RRP8: variants seen among roughly 807,000 people sequenced by gnomAD.
The protein encoded by RRP8 is ribosomal RNA-processing protein 8.
In RRP8, 48 loss-of-function variants were observed where a neutral mutation model predicts 45.0. The ratio of observed to expected loss-of-function variants is 1.07; its 90% confidence interval spans 0.85 to 1.36. The LOEUF (loss-of-function observed/expected upper bound fraction) is 1.36. RRP8 is among the 40% of genes most tolerant of loss of function. RRP8 has a pLI of 0.00. For synonymous variants in RRP8, 274 were observed against 212.4 expected, an observed-to-expected ratio of 1.29 and a Z score of -2.52; for missense variants, 658 against 573.7, an observed-to-expected ratio of 1.15 and a Z score of -1.50.
chr11:6,599,959 G>T lies in RRP8; in HGVS notation c.*187C>A. The T allele has an allele frequency of 5.0e-6, 2 of 403,344 alleles. No individual in the cohort carries two copies. The highest frequency in any genetic ancestry group is 8.8e-6 in the Non-Finnish European group (2 of 227,612). 25.0% of individuals were successfully genotyped at this position (403,344 alleles called of 1,614,324 possible). Reference sequence around the variant, plus strand: ...ACTCTTTATTGTTTAGCTAGCCCCAGTGACTTTATGCATCTTATAACCAAG... The same window carrying T: ...ACTCTTTATTGTTTAGCTAGCCCCATTGACTTTATGCATCTTATAACCAAG... On this transcript the variant is annotated 3_prime_UTR_variant, in exon 7 of 7. Coordinates refer to ENST00000254605, the MANE Select transcript of RRP8 (RefSeq NM_015324.4).
chr11:6,603,355 T>C, intron 1 of RRP8, 49 bp downstream of exon 1: 1 of 1,374,588 alleles, frequency 7.3e-7, no homozygotes, highest in East Asian at 2.5e-5. Context: ...TCCACCAATG[T>C]CCGCTTCGCG....
At chr11:6,601,662 G>A (rs1056918842) in intron 2 of RRP8, 60 bp from the exon 3 acceptor site, 26 of 1,524,460 alleles carry the variant, frequency 1.7e-5, no homozygotes, top group East Asian at 4.5e-5. Flanking sequence ...TCGGAGTCAC[G>A]GCAAGTCATC....
chr11:6,603,137 T>C (rs1854484834), intron 1 of RRP8, among the ~76,000 whole-genome samples: 1 of 152,380 alleles, frequency 6.6e-6, no homozygotes, highest in South Asian at 2.1e-4. Flanking sequence ...CTTGTGTTTG[T>C]GACTCTGACA....
At position 6,598,738 on chromosome 11, in the gene RRP8, A is replaced by T. The variant is rs956741494; in HGVS notation, c.*1408T>A. 2 of 152,304 alleles carry T rather than the reference A, an allele frequency of 1.3e-5. No homozygotes were observed. The highest frequency in any genetic ancestry group is 2.4e-5 in the African/African-American group (1 of 41,460). The allele number at this position is 152,304 out of a possible 1,614,324, so 9.4% of individuals were successfully genotyped here. ...GCCCTCTGGACTACAGCCTGTTTCA[A>T]AACCTCCATCCCCTTATTAGAGGCA... is the stretch of plus-strand genomic sequence containing the variant. On this transcript the variant is annotated 3_prime_UTR_variant, in exon 7 of 7. Transcript: ENST00000254605.
At chr11:6,601,785 A>G in intron 2 of RRP8, 67 bp downstream of exon 2, 1 of 1,513,546 alleles carries the variant, frequency 6.6e-7, no homozygotes, top group Non-Finnish European at 8.9e-7. Flanking sequence ...TCACTCTTGT[A>G]TGTAGAACCA....
intron 1 of RRP8, 125 bp from the exon 2 acceptor site, chr11:6,602,340 GC>G: frequency 8.2e-7 from 1 of 1,212,440 alleles, no homozygotes; most frequent in Non-Finnish European, 1.1e-6. Flanking sequence ...AGTCAAGCCT[GC>G]CAGAACCCAG....
At chr11:6,600,848 G>T in intron 4 of RRP8, 73 bp from the exon 5 acceptor site, 2 of 1,610,788 alleles carry the variant, frequency 1.2e-6, no homozygotes, top group Non-Finnish European at 1.7e-6. Flanking sequence ...TACCAGGATG[G>T]GAAAGGGGAA....
At position 6,601,975 on chromosome 11, in the gene RRP8, T is replaced by G. The variant is rs749839727; in HGVS notation, c.340A>C (p.Lys114Gln). Residue 114 changes from lysine (K) to glutamine (Q), a missense_variant, in exon 2 of 7, where the codon AAG becomes CAG. Transcript: ENST00000254605. ...ACAAGAGCCTGTTTGTGGCATTTCT[T>G]CTTCCTTTCTACTTCTTCCTCAGAG... ...SDSEEEVERK[K>Q]KCHKQALVGS... 6.8e-6 allele frequency: 11 copies of G among 1,614,236 alleles called. No individual in the cohort carries two copies. The highest frequency in any genetic ancestry group is 9.3e-6 in the Non-Finnish European group (11 of 1,180,042).
rs777644387 is a variant in RRP8 at position 6,601,190 on chromosome 11, T to C, written c.876A>G (p.Pro292=). The change falls in exon 3 of 7, where the codon CCA becomes CCG. Residue 292 remains proline, a synonymous_variant. Coordinates refer to ENST00000254605, the MANE Select transcript of RRP8 (RefSeq NM_015324.4). ...TGGCGATGCGGTCCACTGGCTGCAGTGGCCACTTCTTCACTTGGCTCTGGA... is the reference window on the plus strand; with the variant it reads ...TGGCGATGCGGTCCACTGGCTGCAGCGGCCACTTCTTCACTTGGCTCTGGA... ...RGFQSQVKKW[P]LQPVDRIARD... is the part of the protein sequence containing the mutation. The C allele has an allele frequency of 3.1e-6, 5 of 1,613,884 alleles. No homozygotes were observed. The highest frequency in any genetic ancestry group is 1.1e-5 in the South Asian group (1 of 91,060).
At position 6,603,530 on chromosome 11, in the gene RRP8, TC is replaced by T. The variant is rs1306085286; in HGVS notation, c.-29del. The T allele has an allele frequency of 1.4e-6, 2 of 1,418,146 alleles. No homozygotes were observed. The highest frequency in any genetic ancestry group is 2.2e-5 in the Admixed American group (1 of 45,820). The allele number at this position is 1,418,146 out of a possible 1,614,324, so 87.8% of individuals were successfully genotyped here. A position where few individuals can be genotyped will look rare whatever the true frequency, so the allele number is the denominator to read the frequency against. ...GGGTCGGGAGGGCAGGGTCGCCGAG[TC>T]CCCGCTCTTCTCCACGTGCACAGCG... is the stretch of plus-strand genomic sequence containing the variant. On this transcript the variant is annotated 5_prime_UTR_variant, in exon 1 of 7. Transcript: ENST00000254605.
Position 6,599,713 on chromosome 11 carries a change from G to C in RRP8, c.*433C>G, listed in dbSNP as rs1462899094. 6.6e-6 allele frequency: 1 copy of C among 152,380 alleles called. No individual in the cohort carries two copies. The highest frequency in any genetic ancestry group is 1.5e-5 in the Non-Finnish European group (1 of 68,168). The allele number at this position is 152,380 out of a possible 1,614,324, so 9.4% of individuals were successfully genotyped here. A position where few individuals can be genotyped will look rare whatever the true frequency, so the allele number is the denominator to read the frequency against. ...GCCTGTCTGCAACCTTGAAGGCCTG[G>C]GCAAACTGAAGCTGAAGGAGCAGAA... is the stretch of plus-strand genomic sequence containing the variant. On this transcript the variant is annotated 3_prime_UTR_variant, in exon 7 of 7. Coordinates refer to ENST00000254605, the MANE Select transcript of RRP8 (RefSeq NM_015324.4).
chr11:6,600,569 C>T lies in RRP8; in HGVS notation c.1168G>A (p.Val390Met). 1 of 1,614,130 alleles carries T rather than the reference C, an allele frequency of 6.2e-7. No homozygotes were observed. Among genetic ancestry groups the T allele is most frequent in the Non-Finnish European group, 8.5e-7 (1 of 1,179,984 alleles). The change falls in exon 6 of 7, where the codon GTG becomes ATG. Residue 390 changes from valine to methionine, a missense_variant. Transcript: ENST00000254605. ...RVLKPGGLLKVAEVSSRFEDV... is the reference protein window; with the variant it reads ...RVLKPGGLLKMAEVSSRFEDV... Reference sequence around the variant, plus strand: ...TCAAAGCGGCTGCTGACCTCAGCCACTTTCAGGAGACCCCTGAGAAAGACA... The same window carrying T: ...TCAAAGCGGCTGCTGACCTCAGCCATTTTCAGGAGACCCCTGAGAAAGACA...
chr11:6,601,627 G>A (rs11826421), intron 2 of RRP8, 25 bp from the exon 3 acceptor site: 787,573 of 1,577,502 alleles, frequency 0.5, 203,416 homozygotes, highest in East Asian at 0.7. Context: ...ATGGGAAGGT[G>A]CACATGAGGC....
rs1589919939 is a variant in RRP8, at chr11:6,603,556, G to A, written c.-54C>T. The A allele has an allele frequency of 1.6e-6, 2 of 1,216,980 alleles. No individual in the cohort carries two copies. Among genetic ancestry groups the A allele is most frequent in the African/African-American group, 1.5e-5 (1 of 64,700 alleles). 75.4% of individuals were successfully genotyped at this position (1,216,980 alleles called of 1,614,324 possible). On this transcript the variant is annotated 5_prime_UTR_variant, in exon 1 of 7. Transcript: ENST00000254605. ...CCCCGCTCTTCTCCACGTGCACAGCGCTCCTCTGGAAGTCGGAGCGCTCAG... is the reference window on the plus strand; with the variant it reads ...CCCCGCTCTTCTCCACGTGCACAGCACTCCTCTGGAAGTCGGAGCGCTCAG...
At chr11:6,603,383 T>C (rs1203924832) in intron 1 of RRP8, 21 bp downstream of exon 1, 8 of 1,565,958 alleles carry the variant, frequency 5.1e-6, no homozygotes, top group Admixed American at 3.6e-5. Context: ...ACAGCTCCCA[T>C]TGCTCCCGCG....
intron 2 of RRP8, 124 bp from the exon 3 acceptor site, chr11:6,601,726 C>T: frequency 6.8e-7 from 1 of 1,479,222 alleles, no homozygotes; most frequent in South Asian, 1.3e-5. Context: ...AGAAGTACTT[C>T]TTATTGCCTG....
chr11:6,603,615 A>C lies in RRP8; in HGVS notation c.-113T>G, dbSNP rs1298331635. 4 of 631,794 alleles carry C rather than the reference A, an allele frequency of 6.3e-6. No individual in the cohort carries two copies. In the South Asian group the frequency reaches 8.3e-5, roughly 13 times the overall value. The allele number at this position is 631,794 out of a possible 1,614,324, so 39.1% of individuals were successfully genotyped here. A position where few individuals can be genotyped will look rare whatever the true frequency, so the allele number is the denominator to read the frequency against. On this transcript the variant is annotated 5_prime_UTR_variant, in exon 1 of 7. Transcript: ENST00000254605. The stretch of plus-strand genomic sequence containing the variant: ...GAACCGACCCGGAAACCAAAGCGTG[A>C]CAGCCAGGGGTTGCTAGAGCGGCCG...
rs1854359289 is a variant in RRP8 at position 6,601,449 on chromosome 11, T to G, written c.617A>C (p.Gln206Pro). ...CTCAGCTGGGGCCTGGTCTGGCACC[T>G]GAGGTGGCTGAAACTTGTTCTTACA... ...RRCKNKFQPPQVPDQAPAEAP... is the reference protein window; with the variant it reads ...RRCKNKFQPPPVPDQAPAEAP... The change falls in exon 3 of 7, where the codon CAG becomes CCG. Residue 206 changes from glutamine to proline, a missense_variant. Transcript: ENST00000254605. The G allele has an allele frequency of 6.2e-7, 1 of 1,614,028 alleles. No individual in the cohort carries two copies.
At chr11:6,603,206 C>G (rs537662520) in intron 1 of RRP8, among the ~76,000 whole-genome samples, 198 bp downstream of exon 1, 2 of 152,340 alleles carry the variant, frequency 1.3e-5, no homozygotes, top group Admixed American at 1.3e-4. Flanking sequence ...GAAGAACCCT[C>G]TTCGCTTCAC....
Sources: gnomAD v4.1 joint callset for allele counts (sites outside exome capture counted in the v4.1 genomes callset) on GRCh38, gnomAD v4.1.1 for gene constraint, MANE v1.5 for transcripts, NCBI Gene and HGNC (gene_info 2026-07-23, HGNC 2026-07-21) for gene names.